The following KCNK16 variants were observed in gnomAD, a reference collection of about 807,000 sequenced individuals.
The protein encoded by KCNK16 is potassium two pore domain channel subfamily K member 16, also known as potassium channel subfamily K member 16.
In KCNK16, 23 loss-of-function variants were observed where a neutral mutation model predicts 23.0. The ratio of observed to expected loss-of-function variants is 1.00; its 90% confidence interval spans 0.72 to 1.41. The LOEUF is 1.41. KCNK16 is among the 40% of genes most tolerant of loss of function. KCNK16 has a pLI of 0.00. For missense variants in KCNK16, 327 were observed against 365.8 expected (o/e 0.89, Z 0.87); for synonymous variants, 145 against 153.5 (o/e 0.94, Z 0.41).
intron 1 of KCNK16, 126 bp downstream of exon 1, chr6:39,322,202 C>T: frequency 7.0e-7 from 1 of 1,433,804 alleles, no homozygotes; most frequent in African/African-American, 1.4e-5. Context: ...GCTCTCTGTT[C>T]CCACCACACT....
Position 39,322,541 on chromosome 6 carries a change from GCTGT to G in KCNK16, c.-5_-2del. The G allele has an allele frequency of 1.3e-6, 2 of 1,592,360 alleles. No individual in the cohort carries two copies. The highest frequency in any genetic ancestry group is 1.7e-6 in the Non-Finnish European group (2 of 1,172,924). On this transcript the variant is annotated 5_prime_UTR_variant, in exon 1 of 5. Coordinates refer to ENST00000437525, the MANE Select transcript of KCNK16 (RefSeq NM_001135106.2). ...AGCTGCAGAGCCCAGCACTGGGCATGCTGTGGCCAGGACCCTGCCAGGGCCGTGG... is the reference window on the plus strand; with the variant it reads ...AGCTGCAGAGCCCAGCACTGGGCATGGGCCAGGACCCTGCCAGGGCCGTGG...
rs562223126 is a variant in KCNK16, at chr6:39,317,873, G to T, written c.408C>A (p.Asn136Lys). Residue 136 changes from asparagine to lysine, a missense_variant, in exon 3 of 5, where the codon AAC becomes AAA. By Grantham distance (94) the Asn-to-Lys change is moderately conservative. Coordinates refer to ENST00000437525, the MANE Select transcript of KCNK16 (RefSeq NM_001135106.2). ...VFYALLGIPL[N>K]VIFLNHLGTG... ...TGCCCAGGTGGTTGAGGAAGATCAC[G>T]TTAAGCGGGATGCCCAACAGGGCAT... The T allele has an allele frequency of 1.1e-5, 18 of 1,613,788 alleles. No homozygotes were observed. Among genetic ancestry groups the T allele is most frequent in the Middle Eastern group, 3.3e-4 (2 of 6,082 alleles).
At chr6:39,320,594 C>T (rs1762478817) in intron 1 of KCNK16, among the ~76,000 whole-genome samples, 1 of 152,228 alleles carries the variant, frequency 6.6e-6, no homozygotes, top group Non-Finnish European at 1.5e-5. Context: ...AATCTCACCC[C>T]AGTGTTCTTC....
rs1562089777 is a variant in KCNK16, at chr6:39,317,948, A to T, written c.333T>A (p.Tyr111Ter). 6.2e-7 allele frequency: 1 copy of T among 1,602,476 alleles called. No homozygotes were observed. The highest frequency in any genetic ancestry group is 8.5e-7 in the Non-Finnish European group (1 of 1,173,100). ...FAGTVVTTIG[Y>*]GNLAPSTEAG... ...CCTCTGTGCTGGGTGCCAGGTTCCC[A>T]TATCCTGCAAGGGAAGGGGGGCGTG... The change falls in exon 3 of 5, where the codon TAT becomes TAA. Residue 111 changes from tyrosine (Y) to a stop codon, truncating the protein, a stop_gained. Coordinates refer to ENST00000437525, the MANE Select transcript of KCNK16 (RefSeq NM_001135106.2). LOFTEE classifies it high-confidence loss of function.
In KCNK16 at chr6:39,322,596, A is replaced by T; in HGVS notation, c.-56T>A. On this transcript the variant is annotated 5_prime_UTR_variant, in exon 1 of 5. Transcript: ENST00000437525. ...GGCTGGCTATGGGGGAGAGGTGGGA[A>T]ACAGGTGAGGAGTAAGCACCTAGGG... 6.6e-7 allele frequency: 1 copy of T among 1,526,276 alleles called. No homozygotes were observed. The highest frequency in any genetic ancestry group is 8.8e-7 in the Non-Finnish European group (1 of 1,140,400). The allele number at this position is 1,526,276 out of a possible 1,614,324, so 94.5% of individuals were successfully genotyped here.
At chr6:39,316,013 A>T (rs1762293803), downstream of KCNK16, among the ~76,000 whole-genome samples, 1 of 152,106 alleles carries the variant, frequency 6.6e-6, no homozygotes. Context: ...CCCCATCCAC[A>T]CATGTCTTTA....
chr6:39,320,135 C>G (rs1219692601), intron 1 of KCNK16, among the ~76,000 whole-genome samples: 2 of 152,298 alleles, frequency 1.3e-5, no homozygotes, highest in East Asian at 3.9e-4. Context: ...TTCCCGCTGG[C>G]TGGGTGGGTG....
intron 1 of KCNK16, among the ~76,000 whole-genome samples, chr6:39,320,832 A>G (rs925972456): frequency 3.0e-5 from 4 of 131,714 alleles, no homozygotes; most frequent in Non-Finnish European, 4.9e-5. Flanking sequence ...CTCACCTCCA[A>G]TGCAGAGCTG....
Position 39,316,197 on chromosome 6 carries a change from T to C in KCNK16, c.*22A>G. 2 of 1,499,942 alleles carry C rather than the reference T, an allele frequency of 1.3e-6. No individual in the cohort carries two copies. The highest frequency in any genetic ancestry group is 1.8e-6 in the Non-Finnish European group (2 of 1,125,002). The allele number at this position is 1,499,942 out of a possible 1,614,324, so 92.9% of individuals were successfully genotyped here. On this transcript the variant is annotated 3_prime_UTR_variant, in exon 5 of 5. Coordinates refer to ENST00000437525, the MANE Select transcript of KCNK16 (RefSeq NM_001135106.2). ...TGGGACTGGGGAGGATGAAAGGGGT[T>C]TCTGGGCCCCCCCCGGGGGCCTCAT...
Position 39,319,156 on chromosome 6 carries a change from G to A in KCNK16, c.214-23C>T, listed in dbSNP as rs376159188. On this transcript the variant is annotated intron_variant, in intron 1 of 4. Transcript: ENST00000437525. The surrounding 1 kb of genome is among the most constrained non-coding windows in gnomAD (Gnocchi z 4.2). ...GACCTGTAGGGGGTGGCATGGCAGG[G>A]GAGGAAGAAGGAGCTGATGGTTACT... is the stretch of plus-strand genomic sequence containing the variant. 3 of 1,403,210 alleles carry A rather than the reference G, an allele frequency of 2.1e-6. No homozygotes were observed. The highest frequency in any genetic ancestry group is 3.0e-6 in the Non-Finnish European group (3 of 988,578). The allele number at this position is 1,403,210 out of a possible 1,614,324, so 86.9% of individuals were successfully genotyped here.
At chr6:39,322,755 AC>A (rs1271502175), upstream of KCNK16, 5 of 630,202 alleles carry the variant, frequency 7.9e-6, no homozygotes, top group Non-Finnish European at 5.1e-6. Flanking sequence ...CAGGCCGGCC[AC>A]CCCCACCCGG....
chr6:39,315,086 TCTCCTGCCTGGAGCCGCCTTGG>T, downstream of KCNK16: 1 of 1,614,126 alleles, frequency 6.2e-7, no homozygotes, highest in Non-Finnish European at 8.5e-7. Flanking sequence ...CTCTCCTGGG[TCTCCTGCCTGGAGCCGCCTTGG>T]CTCCACAGCC....
At chr6:39,316,631 T>G in intron 4 of KCNK16, 151 bp downstream of exon 4, 1 of 1,171,216 alleles carries the variant, frequency 8.5e-7, no homozygotes, top group Admixed American at 2.2e-5. Context: ...TTGCTTAGAA[T>G]CCACAGTAGT....
In KCNK16 at chr6:39,317,971, G is replaced by A. The variant is rs45504691; in HGVS notation, c.329-19C>T. 1,268 of 1,586,630 alleles carry A rather than the reference G, an allele frequency of 8.0e-4. 3 individuals are homozygous for A. Among genetic ancestry groups the A allele is most frequent in the Non-Finnish European group, 1.0e-3 (1,198 of 1,164,092 alleles). On this transcript the variant is annotated intron_variant, in intron 2 of 4. Transcript: ENST00000437525. ...CCATATCCTGCAAGGGAAGGGGGGCGTGTGCAAATATGGAGACTCTAGAAC... is the reference window on the plus strand; with the variant it reads ...CCATATCCTGCAAGGGAAGGGGGGCATGTGCAAATATGGAGACTCTAGAAC...
intron 3 of KCNK16, among the ~76,000 whole-genome samples, 159 bp downstream of exon 3, chr6:39,317,627 A>G (rs916793569): frequency 2.0e-5 from 3 of 151,856 alleles, no homozygotes; most frequent in African/African-American, 2.4e-5. Flanking sequence ...TAGAGATCCA[A>G]CTCCCCACTC....
chr6:39,314,841 A>C, downstream of KCNK16: 1 of 729,914 alleles, frequency 1.4e-6, no homozygotes, highest in Non-Finnish European at 2.3e-6. Context: ...TTTGTACCCC[A>C]AAAGAGGGAC....
downstream of KCNK16, chr6:39,315,085 G>A (rs753765755): frequency 1.9e-6 from 3 of 1,614,206 alleles, no homozygotes; most frequent in South Asian, 1.1e-5. Context: ...CCTCTCCTGG[G>A]TCTCCTGCCT....
In KCNK16 at chr6:39,316,399, C is replaced by T. The variant is rs1391722605; in HGVS notation, c.705G>A (p.Leu235=). The T allele has an allele frequency of 1.9e-6, 3 of 1,611,446 alleles. No individual in the cohort carries two copies. Among genetic ancestry groups the T allele is most frequent in the Non-Finnish European group, 2.5e-6 (3 of 1,178,908 alleles). Residue 235 remains leucine (L), a synonymous_variant, in exon 5 of 5, where the codon CTG becomes CTA. Coordinates refer to ENST00000437525, the MANE Select transcript of KCNK16 (RefSeq NM_001135106.2). ...SKHYISVYRS[L]AAIWILLGLA... is the part of the protein sequence containing the mutation. ...GGCCCAGGAGGATCCAGATGGCTGC[C>T]AGGCTCCGATACACTGAGATATAAT...
intron 3 of KCNK16, 137 bp from the exon 4 acceptor site, chr6:39,317,084 G>T (rs1408489406): frequency 6.2e-6 from 5 of 811,910 alleles, no homozygotes; most frequent in Admixed American, 2.9e-5. Context: ...GACCCTCGAG[G>T]TGGAGGTTGT....
Sources: gnomAD v4.1 joint callset for allele counts (sites outside exome capture counted in the v4.1 genomes callset) on GRCh38, gnomAD v4.1.1 for gene constraint, Gnocchi (gnomAD v3.1) non-coding constraint, MANE v1.5 for transcripts, NCBI Gene and HGNC (gene_info 2026-07-23, HGNC 2026-07-21) for gene names.